Variants in DLG2 observed in about 807,000 individuals in gnomAD.
DLG2 encodes discs large MAGUK scaffold protein 2, also known as disks large homolog 2.
DLG2 carries 45 observed loss-of-function variants against 132.5 expected under a neutral mutation model. The ratio of observed to expected loss-of-function variants is 0.34; its 90% CI spans 0.27 to 0.44. The LOEUF (loss-of-function observed/expected upper bound fraction) is 0.44, where lower values mean the gene tolerates loss of function less well. Among genes scored for constraint, DLG2 ranks in the 20% least tolerant of loss-of-function variants. The pLI is 1.00. For synonymous variants in DLG2, 424 were observed against 419.6 expected (o/e 1.01, Z -0.13); for missense variants, 1,045 against 1,196.9 (o/e 0.87, Z 1.87).
intron 7 of DLG2, among the ~76,000 whole-genome samples, chr11:84,290,519 C>G (rs2097977033): frequency 3.9e-5 from 6 of 152,184 alleles, no homozygotes; most frequent in Admixed American, 3.9e-4. Flanking sequence ...TTTGGAAACA[C>G]AGAAATGAGT....
chr11:83,812,898 T>C (rs2047731117), intron 17 of DLG2, among the ~76,000 whole-genome samples: 1 of 152,168 alleles, frequency 6.6e-6, no homozygotes, highest in African/African-American at 2.4e-5. Flanking sequence ...CCAATGCCCA[T>C]TCCTCTTAGA....
intron 4 of DLG2, among the ~76,000 whole-genome samples, chr11:85,284,490 G>T (rs1251978456): frequency 6.6e-6 from 1 of 151,762 alleles, no homozygotes; most frequent in Non-Finnish European, 1.5e-5. Flanking sequence ...TAGTGTGTGT[G>T]GGTATGTACT....
At chr11:84,168,354 T>A (rs1309024697) in intron 8 of DLG2, among the ~76,000 whole-genome samples, 1 of 152,268 alleles carries the variant, frequency 6.6e-6, no homozygotes, top group African/African-American at 2.4e-5. Flanking sequence ...GACGATGTTC[T>A]AATCCTTCTC....
intron 3 of DLG2, among the ~76,000 whole-genome samples, chr11:85,540,662 C>T (rs561991550): frequency 5.3e-5 from 8 of 152,336 alleles, no homozygotes; most frequent in Admixed American, 2.6e-4. Flanking sequence ...TCTAATTGGG[C>T]GGATTAACAC....
At chr11:84,255,830 T>C (rs1288243545) in intron 7 of DLG2, among the ~76,000 whole-genome samples, 1 of 152,048 alleles carries the variant, frequency 6.6e-6, no homozygotes, top group African/African-American at 2.4e-5. Flanking sequence ...TTTGAAACTA[T>C]AAGGGATGAA....
chr11:84,144,040 T>G (rs1035229753), intron 9 of DLG2, among the ~76,000 whole-genome samples: 2 of 152,114 alleles, frequency 1.3e-5, no homozygotes, highest in African/African-American at 4.8e-5. Context: ...GGAGAAAATA[T>G]CTGTCAGAGA....
At chr11:84,676,924 C>A (rs1019834187) in intron 6 of DLG2, among the ~76,000 whole-genome samples, 1 of 151,840 alleles carries the variant, frequency 6.6e-6, no homozygotes, top group Non-Finnish European at 1.5e-5. Context: ...GTGAGAAAAG[C>A]CTGCAGCAGA....
At chr11:83,798,320 C>G (rs1045713269) in intron 17 of DLG2, among the ~76,000 whole-genome samples, 8 of 152,126 alleles carry the variant, frequency 5.3e-5, no homozygotes, top group African/African-American at 1.9e-4. Flanking sequence ...AGGCTGTTAT[C>G]AGGATTATTA....
intron 6 of DLG2, among the ~76,000 whole-genome samples, chr11:84,714,553 C>CTT (rs397956960): frequency 0.011 from 1,254 of 109,066 alleles, 86 homozygotes; most frequent in African/African-American, 0.058. Flanking sequence ...TTCTCTTTCT[C>CTT]TCTCTTTCTC....
intron 18 of DLG2, among the ~76,000 whole-genome samples, chr11:83,697,290 A>C (rs190818160): frequency 2.2e-4 from 33 of 152,358 alleles, no homozygotes; most frequent in African/African-American, 7.5e-4. Flanking sequence ...AGTTGACTCT[A>C]AAATAACAAA....
At chr11:83,890,103 A>G (rs1289401597) in intron 15 of DLG2, among the ~76,000 whole-genome samples, 1 of 152,102 alleles carries the variant, frequency 6.6e-6, no homozygotes, top group Non-Finnish European at 1.5e-5. Flanking sequence ...TAAAACTTAA[A>G]GTACAATAAT....
chr11:83,497,662 G>A (rs1437174536), intron 21 of DLG2, among the ~76,000 whole-genome samples: 2 of 151,828 alleles, frequency 1.3e-5, no homozygotes, highest in Non-Finnish European at 2.9e-5. Context: ...TATGCTCAAT[G>A]ATCTCATTTA....
chr11:84,414,081 C>T (rs2098920081), intron 7 of DLG2, among the ~76,000 whole-genome samples: 1 of 152,172 alleles, frequency 6.6e-6, no homozygotes, highest in African/African-American at 2.4e-5. Context: ...AATTTCTCAT[C>T]TTTTAATCTA....
chr11:85,358,653 A>G (rs1435993746), intron 3 of DLG2, among the ~76,000 whole-genome samples: 1 of 152,236 alleles, frequency 6.6e-6, no homozygotes, highest in Non-Finnish European at 1.5e-5. Flanking sequence ...AATTGCTTCA[A>G]GTGTTATCAA....
chr11:85,616,282 G>A (rs2081333282), intron 2 of DLG2, among the ~76,000 whole-genome samples: 2 of 151,984 alleles, frequency 1.3e-5, no homozygotes, highest in Non-Finnish European at 2.9e-5. Flanking sequence ...CATATTTGAT[G>A]GGAAAAAGAA....
intron 6 of DLG2, among the ~76,000 whole-genome samples, chr11:84,931,165 T>G (rs1285901195): frequency 6.6e-6 from 1 of 152,110 alleles, no homozygotes; most frequent in Admixed American, 6.6e-5. Flanking sequence ...CAGTATTTTT[T>G]TTTAATTTTA....
chr11:84,200,981 T>C (rs995994134), intron 8 of DLG2, among the ~76,000 whole-genome samples: 3 of 152,310 alleles, frequency 2.0e-5, no homozygotes, highest in East Asian at 3.9e-4. Flanking sequence ...TCTAATACCA[T>C]GTTGAATAGA....
At chr11:84,393,073 A>C (rs888488993) in intron 7 of DLG2, among the ~76,000 whole-genome samples, 1 of 152,182 alleles carries the variant, frequency 6.6e-6, no homozygotes, top group Admixed American at 6.6e-5. Flanking sequence ...ATAACGTGTG[A>C]GCTATAATGT....
chr11:85,073,498 T>C (rs1275929132), intron 6 of DLG2, among the ~76,000 whole-genome samples: 2 of 151,882 alleles, frequency 1.3e-5, no homozygotes, highest in South Asian at 2.1e-4. Flanking sequence ...TAGTAATAAA[T>C]GGTGGTAGTA....
Sources: gnomAD v4.1 joint callset for allele counts (sites outside exome capture counted in the v4.1 genomes callset) on GRCh38, gnomAD v4.1.1 for gene constraint, MANE v1.5 for transcripts, NCBI Gene and HGNC (gene_info 2026-07-23, HGNC 2026-07-21) for gene names.